The following SLC25A22 variants were observed in gnomAD, a reference collection of about 807,000 sequenced individuals.
SLC25A22 encodes mitochondrial glutamate carrier 1.
SLC25A22 carries 23 observed loss-of-function variants against 33.7 expected under a neutral mutation model. The observed-to-expected ratio is 0.68, with a 90% confidence interval of 0.49 to 0.97. SLC25A22 has a LOEUF of 0.97. Among genes scored for constraint, SLC25A22 ranks in the 50% least tolerant of loss-of-function variants. The pLI, the probability that SLC25A22 is intolerant of heterozygous loss-of-function variation, is 0.00. For missense variants in SLC25A22, 390 were observed against 451.1 expected (o/e 0.86, Z 1.23); for synonymous variants, 245 against 203.8 (o/e 1.20, Z -1.72).
intron 5 of SLC25A22, 79 bp downstream of exon 5, chr11:793,449 TG>T: frequency 7.2e-7 from 1 of 1,384,776 alleles, no homozygotes; most frequent in South Asian, 1.2e-5. Context: ...AGCCCCCAGG[TG>T]GGACCCAGCT....
rs1206622384 is a variant in SLC25A22, at chr11:795,280, C to T, written c.-163-111G>A. ...CTCACCCACCACCCCAGACTGAAGCCGTCACTGCGTCCTGAGGGTGCAGCA... is the reference window on the plus strand; with the variant it reads ...CTCACCCACCACCCCAGACTGAAGCTGTCACTGCGTCCTGAGGGTGCAGCA... On this transcript the variant is annotated intron_variant, in intron 1 of 9. Coordinates refer to ENST00000628067, the MANE Select transcript of SLC25A22 (RefSeq NM_001191061.2). 2.6e-5 allele frequency: 16 copies of T among 605,402 alleles called. No homozygotes were observed. The Admixed American group carries it at 2.7e-4, about 10-fold the overall frequency. 37.5% of individuals were successfully genotyped at this position (605,402 alleles called of 1,614,324 possible).
chr11:792,266 C>T (rs199747092), intron 8 of SLC25A22, 38 bp downstream of exon 8: 25 of 1,613,040 alleles, frequency 1.5e-5, no homozygotes, highest in Admixed American at 5.0e-5. Context: ...GGCTCAGTCC[C>T]GCCCCATCCC....
In SLC25A22 at chr11:793,361, C is replaced by T. The variant is rs527428031; in HGVS notation, c.293+168G>A. 14 of 685,660 alleles carry T rather than the reference C, an allele frequency of 2.0e-5. No individual in the cohort carries two copies. The East Asian group carries it at 3.8e-4, about 19-fold the overall frequency. The allele number at this position is 685,660 out of a possible 1,614,324, so 42.5% of individuals were successfully genotyped here. ...CCCCACTGATTTGACATCTGCTTTG[C>T]TCCCCTGGTCAGGGGAAAGGAGGGA... On this transcript the variant is annotated intron_variant, in intron 5 of 9. Coordinates refer to ENST00000628067, the MANE Select transcript of SLC25A22 (RefSeq NM_001191061.2).
In SLC25A22 at chr11:792,645, G is replaced by C; in HGVS notation, c.495C>G (p.Ala165=). Reference sequence around the variant, plus strand: ...TCAGCTGGGTGGCCGTGGGCCGAGGGGCAGCTGGAGCCTCCACTGAGGGCT... The same window carrying C: ...TCAGCTGGGTGGCCGTGGGCCGAGGCGCAGCTGGAGCCTCCACTGAGGGCT... ...GAQPSVEAPA[A]PRPTATQLTR... is the part of the protein sequence containing the mutation. Residue 165 remains alanine, a synonymous_variant, in exon 7 of 10, where the codon GCC becomes GCG. Coordinates refer to ENST00000628067, the MANE Select transcript of SLC25A22 (RefSeq NM_001191061.2). The C allele has an allele frequency of 1.9e-6, 3 of 1,581,150 alleles. No homozygotes were observed. The highest frequency in any genetic ancestry group is 1.7e-6 in the Non-Finnish European group (2 of 1,165,294).
intron 1 of SLC25A22, 175 bp from the exon 2 acceptor site, chr11:795,344 G>T: frequency 2.1e-6 from 1 of 468,550 alleles, no homozygotes. Flanking sequence ...GCTCACCCCT[G>T]GGACCACCTG....
Position 792,956 on chromosome 11 carries a change from G to A in SLC25A22, c.326C>T (p.Ala109Val), listed in dbSNP as rs1565037173. The change falls in exon 6 of 10, where the codon GCG becomes GTG. Residue 109 changes from alanine to valine, a missense_variant. By Grantham distance (64) the Ala-to-Val change is moderately conservative. Transcript: ENST00000628067. ...CTGGCAGGTGCCAGCCCCACAGCCCGCCAGCATCTCTTTAAGCAGGGTCAG... is the reference window on the plus strand; with the variant it reads ...CTGGCAGGTGCCAGCCCCACAGCCCACCAGCATCTCTTTAAGCAGGGTCAG... ...QKLTLLKEMLAGCGAGTCQVI... is the reference protein window; with the variant it reads ...QKLTLLKEMLVGCGAGTCQVI... 1.2e-6 allele frequency: 2 copies of A among 1,613,350 alleles called. No homozygotes were observed. Among genetic ancestry groups the A allele is most frequent in the South Asian group, 1.1e-5 (1 of 91,074 alleles).
At chr11:795,244 T>A in intron 1 of SLC25A22, 75 bp from the exon 2 acceptor site, 1 of 648,096 alleles carries the variant, frequency 1.5e-6, no homozygotes, top group Non-Finnish European at 2.8e-6. Flanking sequence ...CCTCCCTCTC[T>A]CACGCAGCCC....
chr11:793,639 C>G lies in SLC25A22; in HGVS notation c.203-20G>C. On this transcript the variant is annotated intron_variant, in intron 4 of 9. Coordinates refer to ENST00000628067, the MANE Select transcript of SLC25A22 (RefSeq NM_001191061.2). ...CAGCTCCTGTGGGGCAGGGGGTCAG[C>G]TGGGGGGACATGCTCGGTGGCCTGA... The G allele has an allele frequency of 6.3e-7, 1 of 1,577,936 alleles. No homozygotes were observed. The highest frequency in any genetic ancestry group is 1.7e-5 in the Admixed American group (1 of 59,966).
rs914938263 is a variant in SLC25A22, at chr11:794,787, C to G, written c.135G>C (p.Val45=). 5 of 1,598,148 alleles carry G rather than the reference C, an allele frequency of 3.1e-6. No individual in the cohort carries two copies. Among genetic ancestry groups the G allele is most frequent in the Non-Finnish European group, 4.3e-6 (5 of 1,174,096 alleles). Residue 45 remains valine, a synonymous_variant, in exon 3 of 10, where the codon GTG becomes GTC. Coordinates refer to ENST00000628067, the MANE Select transcript of SLC25A22 (RefSeq NM_001191061.2). Reference sequence around the variant, plus strand: ...CCCGGCACACTCACATGCTCGTGTACACGCGCTGGCCGTTCTGCTGGTTCT... The same window carrying G: ...CCCGGCACACTCACATGCTCGTGTAGACGCGCTGGCCGTTCTGCTGGTTCT... The part of the protein sequence containing the change: ...RLQNQQNGQR[V]YTSMSDCLIK...
At position 794,446 on chromosome 11, in the gene SLC25A22, G is replaced by A. The variant is rs1005641775; in HGVS notation, c.202+12C>T. 6.2e-7 allele frequency: 1 copy of A among 1,612,334 alleles called. No individual in the cohort carries two copies. The highest frequency in any genetic ancestry group is 8.5e-7 in the Non-Finnish European group (1 of 1,179,650). On this transcript the variant is annotated intron_variant, in intron 4 of 9. Transcript: ENST00000628067. ...GCCTGCCCATATCGAGCCCAGCCGA[G>A]CCAAACCTCACCCCGGTACATGCCG...
At position 795,023 on chromosome 11, in the gene SLC25A22, C is replaced by T. The variant is rs1309871392; in HGVS notation, c.-17G>A. 1.3e-6 allele frequency: 2 copies of T among 1,552,638 alleles called. No individual in the cohort carries two copies. Among genetic ancestry groups the T allele is most frequent in the Non-Finnish European group, 1.7e-6 (2 of 1,148,378 alleles). ...ATCAGCCATTTAACTCGATTGCACC[C>T]AGGTAGGAGCCGCAGAGGTGGACGC... is the stretch of plus-strand genomic sequence containing the variant. On this transcript the variant is annotated 5_prime_UTR_variant, in exon 2 of 10. Transcript: ENST00000628067.
rs146402942 is a variant in SLC25A22, at chr11:794,790, G to C, written c.132C>G (p.Arg44=). ...TRLQNQQNGQ[R]VYTSMSDCLI... ...GGCACACTCACATGCTCGTGTACAC[G>C]CGCTGGCCGTTCTGCTGGTTCTGCA... Residue 44 remains arginine, a synonymous_variant, in exon 3 of 10, where the codon CGC becomes CGG. Transcript: ENST00000628067. The C allele has an allele frequency of 1.3e-6, 2 of 1,598,036 alleles. No homozygotes were observed. Among genetic ancestry groups the C allele is most frequent in the Non-Finnish European group, 8.5e-7 (1 of 1,174,012 alleles).
chr11:793,924 C>T (rs1864660983), intron 4 of SLC25A22: 1 of 502,964 alleles, frequency 2.0e-6, no homozygotes, highest in Non-Finnish European at 3.6e-6. Flanking sequence ...CCTAGGATAC[C>T]TCTCCCTCCC....
intron 3 of SLC25A22, 90 bp downstream of exon 3, chr11:794,686 C>T (rs1864701974): frequency 6.5e-7 from 1 of 1,545,688 alleles, no homozygotes; most frequent in Non-Finnish European, 8.7e-7. Flanking sequence ...TCCCTTCTGT[C>T]AAACAGGGTG....
In SLC25A22 at chr11:792,982, C is replaced by T. The variant is rs1420523788; in HGVS notation, c.300G>A (p.Lys100=). Reference sequence around the variant, plus strand: ...CCAGCATCTCTTTAAGCAGGGTCAGCTTCTGCCTGTGGTAGGGGCGGGGCC... The same window carrying T: ...CCAGCATCTCTTTAAGCAGGGTCAGTTTCTGCCTGTGGTAGGGGCGGGGCC... ...FRHQLSKDGQ[K]LTLLKEMLAG... The change falls in exon 6 of 10, where the codon AAG becomes AAA. Residue 100 remains lysine, a synonymous_variant. Coordinates refer to ENST00000628067, the MANE Select transcript of SLC25A22 (RefSeq NM_001191061.2). The T allele has an allele frequency of 1.2e-6, 2 of 1,613,294 alleles. No homozygotes were observed. The highest frequency in any genetic ancestry group is 1.7e-6 in the Non-Finnish European group (2 of 1,179,970).
rs1429166947 is a variant in SLC25A22, at chr11:792,038, G to A, written c.849C>T (p.Ala283=). ...CGCGGCAGTAGGCGCCCTTCAGGAA[G>A]GCCGAGGGGCCCTCGTGCCGCAGGA... ...RKILRHEGPS[A]FLKGAYCRAL... is the part of the protein sequence containing the mutation. Residue 283 remains alanine, a synonymous_variant, in exon 10 of 10, where the codon GCC becomes GCT. Transcript: ENST00000628067. The A allele has an allele frequency of 5.9e-5, 94 of 1,601,656 alleles. No homozygotes were observed. Among genetic ancestry groups the A allele is most frequent in the Non-Finnish European group, 7.6e-5 (89 of 1,174,912 alleles).
chr11:791,818 G>A lies in SLC25A22; in HGVS notation c.*97C>T. On this transcript the variant is annotated 3_prime_UTR_variant, in exon 10 of 10. Transcript: ENST00000628067. ...TGCTGCCCCTGCCGACGGGAGGGCT[G>A]GGGAGGGGTCTTCCCTTGCTCCGTC... 6.9e-7 allele frequency: 1 copy of A among 1,455,544 alleles called. No individual in the cohort carries two copies. The highest frequency in any genetic ancestry group is 9.1e-7 in the Non-Finnish European group (1 of 1,099,160). 90.2% of individuals were successfully genotyped at this position (1,455,544 alleles called of 1,614,324 possible).
intron 1 of SLC25A22, chr11:795,667 T>G (rs1864788885): frequency 5.5e-6 from 1 of 180,544 alleles, no homozygotes; most frequent in African/African-American, 2.4e-5. Context: ...CAGGTATAGC[T>G]CTCCTCCCAT....
In SLC25A22 at chr11:790,877, G is replaced by C. The variant is rs1358583537; in HGVS notation, c.*1038C>G. ...AGGCGGGAAGGATGGGGCTTCTGCA[G>C]TGTACCCAGGGGCCTTATGCAGAGG... is the stretch of plus-strand genomic sequence containing the variant. On this transcript the variant is annotated 3_prime_UTR_variant, in exon 10 of 10. Transcript: ENST00000628067. 1 of 152,248 alleles carries C rather than the reference G, an allele frequency of 6.6e-6. No homozygotes were observed. Among genetic ancestry groups the C allele is most frequent in the East Asian group, 1.9e-4 (1 of 5,204 alleles). The allele number at this position is 152,248 out of a possible 1,614,324, so 9.4% of individuals were successfully genotyped here.
Sources: allele counts gnomAD v4.1 joint callset, GRCh38; gene constraint gnomAD v4.1.1; transcripts MANE v1.5; gene names NCBI Gene and HGNC (gene_info 2026-07-23, HGNC 2026-07-21).